The following DENND1C variants were observed in gnomAD, a reference collection of about 807,000 sequenced individuals.
DENND1C encodes the protein DENN domain containing 1C.
DENND1C carries 64 observed loss-of-function variants against 87.9 expected under a neutral mutation model. The ratio of observed to expected loss-of-function variants is 0.73; its 90% CI spans 0.60 to 0.90. The LOEUF (loss-of-function observed/expected upper bound fraction) is 0.90, where lower values mean the gene tolerates loss of function less well. DENND1C is among the 40% of genes least tolerant of loss of function. The probability of loss-of-function intolerance (pLI) is 0.00; values close to 1 mark genes in which losing one functional copy is unlikely to be tolerated. For missense variants in DENND1C, 980 were observed against 1,037.0 expected (o/e 0.95, Z 0.76); for synonymous variants, 384 against 424.4 (o/e 0.90, Z 1.17).
chr19:6,479,203 C>T lies in DENND1C; in HGVS notation c.177-147G>A, dbSNP rs150887053. ...TGTCTGGATCCCTGGGTCTCAGAATCCCTGGGTCCCTGAATCTCTGGGTCC... is the reference window on the plus strand; with the variant it reads ...TGTCTGGATCCCTGGGTCTCAGAATTCCTGGGTCCCTGAATCTCTGGGTCC... On this transcript the variant is annotated intron_variant, in intron 4 of 22. Coordinates refer to ENST00000381480, the MANE Select transcript of DENND1C (RefSeq NM_024898.4). 637 of 1,155,592 alleles carry T rather than the reference C, an allele frequency of 5.5e-4. 6 individuals are homozygous for T. The African/African-American group carries it at 9.1e-3, about 17-fold the overall frequency. 71.6% of individuals were successfully genotyped at this position (1,155,592 alleles called of 1,614,324 possible).
chr19:6,481,591 C>T (rs1913569840), intron 1 of DENND1C, 88 bp downstream of exon 1: 1 of 1,584,026 alleles, frequency 6.3e-7, no homozygotes. Context: ...ACCTCCCGGG[C>T]CTGCTCCAGC....
In DENND1C at chr19:6,470,295, C is replaced by A. The variant is rs763984088; in HGVS notation, c.1362G>T (p.Ser454=). ...TQPAVKNMYR[S]AKSGLKGVQS... is the part of the protein sequence containing the mutation. ...AGTGGCCTGTCCAGCTCAGCCTCAC[C>A]GAGCGGTACATGTTCTTGACGGCTG... The change falls in exon 18 of 23, where the codon TCG becomes TCT. Residue 454 remains serine (S), a splice_region_variant and synonymous_variant. Transcript: ENST00000381480. 6 of 1,607,372 alleles carry A rather than the reference C, an allele frequency of 3.7e-6. No homozygotes were observed. Among genetic ancestry groups the A allele is most frequent in the Non-Finnish European group, 5.1e-6 (6 of 1,177,278 alleles).
chr19:6,479,882 A>G lies in DENND1C; in HGVS notation c.103T>C (p.Phe35Leu). The change falls in exon 3 of 23, where the codon TTC becomes CTC. Residue 35 changes from phenylalanine (F) to leucine (L), a missense_variant. Physicochemically the swap from Phe to Leu is conservative, Grantham distance 22. Transcript: ENST00000381480. ...ACCTGGTCCCTGAAGTCTGGAGGGA[A>G]CTGCCGCAGGATGGGGGGATCTGTA... ...LQEDPPILRQ[F>L]PPDFRDQEAM... The G allele has an allele frequency of 6.2e-7, 1 of 1,608,050 alleles. No homozygotes were observed. Among genetic ancestry groups the G allele is most frequent in the South Asian group, 1.1e-5 (1 of 90,292 alleles).
chr19:6,478,878 C>T (rs368059685), intron 5 of DENND1C, 26 bp from the exon 6 acceptor site: 23 of 1,613,724 alleles, frequency 1.4e-5, no homozygotes, highest in Admixed American at 6.7e-5. Flanking sequence ...ACAGGTTCCA[C>T]GAAGTGTCCC....
intron 6 of DENND1C, 22 bp from the exon 7 acceptor site, chr19:6,477,480 G>C (rs755135814): frequency 6.2e-7 from 1 of 1,606,710 alleles, no homozygotes; most frequent in Non-Finnish European, 8.5e-7. Flanking sequence ...GTGGAGGGGC[G>C]GGGGTGGCTG....
Position 6,468,830 on chromosome 19 carries a change from G to T in DENND1C, c.1515+16C>A, listed in dbSNP as rs780887724. 6.7e-7 allele frequency: 1 copy of T among 1,502,176 alleles called. No individual in the cohort carries two copies. Among genetic ancestry groups the T allele is most frequent in the Admixed American group, 2.4e-5 (1 of 42,246 alleles). The allele number at this position is 1,502,176 out of a possible 1,614,324, so 93.1% of individuals were successfully genotyped here. A position where few individuals can be genotyped will look rare whatever the true frequency, so the allele number is the denominator to read the frequency against. ...GATAATTCCAGGTGTGTGCATGGGG[G>T]GAGGGGCGCTCTCACCTTTCCAAAG... is the stretch of plus-strand genomic sequence containing the variant. On this transcript the variant is annotated intron_variant, in intron 20 of 22. Coordinates refer to ENST00000381480, the MANE Select transcript of DENND1C (RefSeq NM_024898.4).
intron 1 of DENND1C, chr19:6,480,338 T>C: frequency 1.5e-6 from 2 of 1,352,642 alleles, no homozygotes; most frequent in Admixed American, 6.3e-5. Context: ...AGGCAGTGTG[T>C]GTGTGATCCT....
At position 6,481,746 on chromosome 19, in the gene DENND1C, G is replaced by C; in HGVS notation, c.-51C>G. The C allele has an allele frequency of 6.6e-7, 1 of 1,506,452 alleles. No homozygotes were observed. The highest frequency in any genetic ancestry group is 1.4e-5 in the African/African-American group (1 of 69,536). 93.3% of individuals were successfully genotyped at this position (1,506,452 alleles called of 1,614,324 possible). On this transcript the variant is annotated 5_prime_UTR_variant, in exon 1 of 23. Transcript: ENST00000381480. ...GGCCCTCTCCCCAGGGGTCCTGGGG[G>C]CCTGTGTATGCTGGGCCCCAAGCCG...
intron 6 of DENND1C, 123 bp from the exon 7 acceptor site, chr19:6,477,581 T>G: frequency 2.4e-6 from 1 of 411,680 alleles, no homozygotes; most frequent in South Asian, 1.1e-4. Flanking sequence ...CCTGGGAGTT[T>G]TTTTTTTTCT....
chr19:6,476,219 G>T, intron 10 of DENND1C: 1 of 435,964 alleles, frequency 2.3e-6, no homozygotes, highest in Non-Finnish European at 4.1e-6. Flanking sequence ...TGCAGGTAGA[G>T]CAAGGACTGA....
rs770208006 is a variant in DENND1C, at chr19:6,479,736, C to T, written c.127-18G>A. 36 of 1,613,738 alleles carry T rather than the reference C, an allele frequency of 2.2e-5. No homozygotes were observed. Among genetic ancestry groups the T allele is most frequent in the African/African-American group, 2.1e-4 (16 of 74,876 alleles). Reference sequence around the variant, plus strand: ...ATAGCTTCCTGGAGGTGAAGAAAAGCGCAGACTGCTTGGCCACTGAGGTCG... The same window carrying T: ...ATAGCTTCCTGGAGGTGAAGAAAAGTGCAGACTGCTTGGCCACTGAGGTCG... On this transcript the variant is annotated intron_variant, in intron 3 of 22. Coordinates refer to ENST00000381480, the MANE Select transcript of DENND1C (RefSeq NM_024898.4).
At position 6,479,907 on chromosome 19, in the gene DENND1C, A is replaced by AGG. The variant is rs1233007869; in HGVS notation, c.83-6_83-5insCC. 8.1e-6 allele frequency: 13 copies of AGG among 1,601,260 alleles called. No individual in the cohort carries two copies. Among genetic ancestry groups the AGG allele is most frequent in the Non-Finnish European group, 9.4e-6 (11 of 1,174,252 alleles). On this transcript the variant is annotated splice_polypyrimidine_tract_variant and splice_region_variant and intron_variant, in intron 2 of 22. Coordinates refer to ENST00000381480, the MANE Select transcript of DENND1C (RefSeq NM_024898.4). ...ACTGCCGCAGGATGGGGGGATCTGT[A>AGG]GAAGAGAGCACGCCTCTAAGTTCAG...
At chr19:6,477,909 C>CAA (rs71174916) in intron 6 of DENND1C, among the ~76,000 whole-genome samples, 2 of 134,424 alleles carry the variant, frequency 1.5e-5, no homozygotes, top group African/African-American at 2.7e-5. Context: ...GTTAAAAGTA[C>CAA]AAAAAAAAAA....
chr19:6,477,474 A>C lies in DENND1C; in HGVS notation c.367-16T>G. The C allele has an allele frequency of 3.7e-6, 3 of 803,320 alleles. No individual in the cohort carries two copies. Among genetic ancestry groups the C allele is most frequent in the Non-Finnish European group, 3.9e-6 (2 of 512,004 alleles). The allele number at this position is 803,320 out of a possible 1,614,324, so 49.8% of individuals were successfully genotyped here. On this transcript the variant is annotated splice_polypyrimidine_tract_variant and intron_variant, in intron 6 of 22. Transcript: ENST00000381480. ...CCTCGGTGACCTGGGTGGGACGTGGAGGGGCGGGGGTGGCTGAGCCAGATG... is the reference window on the plus strand; with the variant it reads ...CCTCGGTGACCTGGGTGGGACGTGGCGGGGCGGGGGTGGCTGAGCCAGATG...
In DENND1C at chr19:6,471,483, C is replaced by T. The variant is rs368722845; in HGVS notation, c.1172G>A (p.Arg391Gln). The change falls in exon 16 of 23, where the codon CGG becomes CAG. Residue 391 changes from arginine (R) to glutamine (Q), a missense_variant. Coordinates refer to ENST00000381480, the MANE Select transcript of DENND1C (RefSeq NM_024898.4). ...LQLFKQFIEA[R>Q]LEKLNKGEGF... The stretch of plus-strand genomic sequence containing the variant: ...CTCCCCCTTGTTGAGCTTCTCCAGC[C>T]GGGCTTCGATGAACTGGGGTGGGGG... The T allele has an allele frequency of 4.5e-5, 70 of 1,565,270 alleles. No individual in the cohort carries two copies. The highest frequency in any genetic ancestry group is 1.6e-4 in the South Asian group (14 of 85,092).
rs540839094 is a variant in DENND1C, at chr19:6,475,689, G to A, written c.825+17C>T. The A allele has an allele frequency of 1.4e-4, 225 of 1,603,370 alleles. 2 individuals are homozygous for A. The South Asian group carries it at 2.4e-3, about 17-fold the overall frequency. ...GGAACCCTCACGTCCCCGTCGTCTG[G>A]GTAGATCCACGCTCACCTCGGCGAG... On this transcript the variant is annotated intron_variant, in intron 12 of 22. Transcript: ENST00000381480.
intron 6 of DENND1C, among the ~76,000 whole-genome samples, chr19:6,478,034 C>T (rs1272517586): frequency 6.6e-6 from 1 of 151,892 alleles, no homozygotes; most frequent in Non-Finnish European, 1.5e-5. Context: ...GGAATCGCAC[C>T]ACCGCACTCC....
At chr19:6,477,159 G>C in intron 8 of DENND1C, 32 bp from the exon 9 acceptor site, 1 of 1,598,396 alleles carries the variant, frequency 6.3e-7, no homozygotes, top group Non-Finnish European at 8.5e-7. Flanking sequence ...GGATCAATCA[G>C]TCAGGAGGCT....
Position 6,479,856 on chromosome 19 carries a change from T to A in DENND1C, c.126+3A>T, listed in dbSNP as rs773594202. On this transcript the variant is annotated splice_donor_region_variant and intron_variant, in intron 3 of 22. Coordinates refer to ENST00000381480, the MANE Select transcript of DENND1C (RefSeq NM_024898.4). ...TGGGGGAGCAAGGAGCCAGCCTGAA[T>A]ACCTGGTCCCTGAAGTCTGGAGGGA... 6.2e-7 allele frequency: 1 copy of A among 1,611,516 alleles called. No individual in the cohort carries two copies. The highest frequency in any genetic ancestry group is 8.5e-7 in the Non-Finnish European group (1 of 1,178,838).
Sources: allele counts gnomAD v4.1 joint callset (sites outside exome capture counted in the v4.1 genomes callset), GRCh38; gene constraint gnomAD v4.1.1; transcripts MANE v1.5; gene names NCBI Gene and HGNC (gene_info 2026-07-23, HGNC 2026-07-21).